The following PRIM2 variants were observed in gnomAD, a reference collection of about 807,000 sequenced individuals.
PRIM2 encodes the protein DNA primase subunit 2.
PRIM2 carries 39 observed loss-of-function variants against 67.3 expected under a neutral mutation model. The observed-to-expected ratio is 0.58, with a 90% CI of 0.45 to 0.76. The LOEUF is 0.76. Among genes scored for constraint, PRIM2 ranks in the 30% least tolerant of loss-of-function variants. The pLI is 0.00. For missense variants in PRIM2, 398 were observed against 598.7 expected (o/e 0.66, Z 3.50); for synonymous variants, 143 against 198.7 (o/e 0.72, Z 2.36).
intron 7 of PRIM2, among the ~76,000 whole-genome samples, chr6:57,475,221 T>C (rs1195535738): frequency 1.3e-5 from 2 of 152,220 alleles, no homozygotes; most frequent in Non-Finnish European, 2.9e-5. Flanking sequence ...GAAGTATAAC[T>C]CACATATCAT....
intron 7 of PRIM2, among the ~76,000 whole-genome samples, chr6:57,492,389 A>G (rs1773915459): frequency 2.0e-5 from 3 of 151,980 alleles, no homozygotes; most frequent in Non-Finnish European, 4.4e-5. Flanking sequence ...CTAAAAATAC[A>G]AAAATTAGCA....
chr6:57,236,580 A>C, the PRIM2 span, among the ~76,000 whole-genome samples: 3 of 149,836 alleles, frequency 2.0e-5, no homozygotes, highest in East Asian at 2.0e-4. Flanking sequence ...CCCACCCCAC[A>C]ACAGGCCCTG....
intron 12 of PRIM2, among the ~76,000 whole-genome samples, chr6:57,609,943 A>G (rs1417446146): frequency 6.6e-6 from 1 of 152,238 alleles, no homozygotes; most frequent in Non-Finnish European, 1.5e-5. Context: ...CCAAGCGTAC[A>G]TTAAAATATT....
intron 7 of PRIM2, among the ~76,000 whole-genome samples, chr6:57,476,888 C>T (rs1773490484): frequency 6.6e-6 from 1 of 152,142 alleles, no homozygotes; most frequent in African/African-American, 2.4e-5. Context: ...GGTGGGATTA[C>T]AGGCATGAGC....
intron 10 of PRIM2, among the ~76,000 whole-genome samples, chr6:57,555,038 AG>A (rs1186358205): frequency 6.6e-6 from 1 of 152,226 alleles, no homozygotes; most frequent in Non-Finnish European, 1.5e-5. Context: ...CTTTATTTGT[AG>A]GGAAAGAATG....
At chr6:57,439,982 TAA>T (rs1772150800) in intron 7 of PRIM2, among the ~76,000 whole-genome samples, 1 of 152,052 alleles carries the variant, frequency 6.6e-6, no homozygotes, top group Non-Finnish European at 1.5e-5. Context: ...TATATGCATA[TAA>T]ATAAATATTT....
intron 7 of PRIM2, among the ~76,000 whole-genome samples, chr6:57,442,232 G>C (rs1772222281): frequency 2.0e-5 from 3 of 152,114 alleles, no homozygotes; most frequent in South Asian, 4.1e-4. Flanking sequence ...CATGTCTTAG[G>C]GCCTCTGTTT....
At chr6:57,416,483 C>T (rs1381723098) in intron 7 of PRIM2, among the ~76,000 whole-genome samples, 19 of 152,174 alleles carry the variant, frequency 1.2e-4, no homozygotes, top group African/African-American at 4.3e-4. Flanking sequence ...GCTTTGGCTT[C>T]CACTTAAAGT....
At chr6:57,441,361 A>AGCC (rs1772199692) in intron 7 of PRIM2, among the ~76,000 whole-genome samples, 1 of 152,200 alleles carries the variant, frequency 6.6e-6, no homozygotes, top group South Asian at 2.1e-4. Context: ...AGAGGAAATG[A>AGCC]GCCAGTACAT....
chr6:57,525,450 T>A (rs1774728519), intron 8 of PRIM2, among the ~76,000 whole-genome samples: 1 of 152,194 alleles, frequency 6.6e-6, no homozygotes, highest in African/African-American at 2.4e-5. Flanking sequence ...TCCAACTACA[T>A]TCTCTAATTC....
chr6:57,231,878 A>G, the PRIM2 span, among the ~76,000 whole-genome samples: 2 of 151,986 alleles, frequency 1.3e-5, no homozygotes, highest in African/African-American at 4.8e-5. Context: ...CACTAGTACA[A>G]TGAACTTAAT....
intron 10 of PRIM2, among the ~76,000 whole-genome samples, chr6:57,590,894 C>T (rs1285169222): frequency 2.0e-5 from 3 of 152,166 alleles, no homozygotes; most frequent in Non-Finnish European, 4.4e-5. Flanking sequence ...TCCTTTTTTA[C>T]ATAAAAGAGA....
rs1287241649 is a variant in PRIM2 at position 57,436,553 on chromosome 6, C to T, written c.693+54385C>T. Among the ~76,000 whole-genome samples, 14 of 152,292 alleles carry T rather than the reference C, an allele frequency of 9.2e-5. No individual in the cohort carries two copies. The South Asian group carries it at 1.0e-3, about 11-fold the overall frequency. ...GGAGTGTTCATGAGTGAAATACAGA[C>T]TGATTTAACTTAGTTGGATGCTGCT... On this transcript the variant is annotated intron_variant, in intron 7 of 13. Coordinates refer to ENST00000615550, the MANE Select transcript of PRIM2 (RefSeq NM_000947.5).
the PRIM2 span, among the ~76,000 whole-genome samples, chr6:57,257,992 G>T: frequency 6.6e-6 from 1 of 152,262 alleles, no homozygotes; most frequent in East Asian, 1.9e-4. Context: ...TCTCCAGTAT[G>T]CTGCACTTGG....
chr6:57,618,790 T>G (rs1776798627), intron 12 of PRIM2, among the ~76,000 whole-genome samples: 1 of 152,090 alleles, frequency 6.6e-6, no homozygotes, highest in South Asian at 2.1e-4. Context: ...AGGAGAGTCT[T>G]TGCTCAGACA....
intron 7 of PRIM2, among the ~76,000 whole-genome samples, chr6:57,469,618 C>T (rs1773289463): frequency 6.6e-6 from 1 of 151,998 alleles, no homozygotes; most frequent in African/African-American, 2.4e-5. Flanking sequence ...GAAGTTTTCG[C>T]CCTTGATTCA....
the PRIM2 span, among the ~76,000 whole-genome samples, chr6:57,280,508 T>A: frequency 2.0e-5 from 3 of 152,130 alleles, no homozygotes; most frequent in Non-Finnish European, 4.4e-5. Flanking sequence ...AACCAAGTAC[T>A]TTCTTTCTTG....
intron 7 of PRIM2, among the ~76,000 whole-genome samples, chr6:57,506,073 A>G (rs1390141209): frequency 6.6e-6 from 1 of 151,104 alleles, no homozygotes; most frequent in African/African-American, 2.4e-5. Context: ...AACCTTGATA[A>G]CATCTTATAT....
At chr6:57,257,911 T>C in the PRIM2 span, among the ~76,000 whole-genome samples, 5 of 152,324 alleles carry the variant, frequency 3.3e-5, no homozygotes, top group Admixed American at 3.3e-4. Context: ...TATTATTTTG[T>C]CCTCCTCTTT....
Sources: allele counts gnomAD v4.1 joint callset (sites outside exome capture counted in the v4.1 genomes callset), GRCh38; gene constraint gnomAD v4.1.1; transcripts MANE v1.5; gene names NCBI Gene and HGNC (gene_info 2026-07-23, HGNC 2026-07-21).